Variants in MSANTD5 observed in about 807,000 individuals in gnomAD.
MSANTD5 encodes the protein Myb/SANT DNA binding domain containing 5.
the MSANTD5 span, among the ~76,000 whole-genome samples, chr5:178,704,154 CCA>C: frequency 1.3e-5 from 2 of 152,036 alleles, 1 homozygote; most frequent in Non-Finnish European, 2.9e-5. Context: ...ATTCACACAG[CCA>C]CAGTTTTGCA....
exon 4 of MSANTD5, chr5:178,694,705 T>G (rs900431630): frequency 2.6e-5 from 4 of 152,200 alleles, no homozygotes; most frequent in Non-Finnish European, 4.4e-5. Flanking sequence ...CTTCAAGACC[T>G]GGATCAGTCA....
chr5:178,701,118 C>T (rs879300540), upstream of MSANTD5, among the ~76,000 whole-genome samples: 46 of 152,208 alleles, frequency 3.0e-4, 1 homozygote, highest in Admixed American at 6.5e-4. Flanking sequence ...GGACTACAGG[C>T]GCCCGCCACC....
chr5:178,693,852 C>T (rs1290415754), downstream of MSANTD5, among the ~76,000 whole-genome samples: 1 of 151,986 alleles, frequency 6.6e-6, no homozygotes, highest in Non-Finnish European at 1.5e-5. Flanking sequence ...AGTCCCCACC[C>T]GACCCAGAAG....
At chr5:178,704,857 C>T in the MSANTD5 span, among the ~76,000 whole-genome samples, 4 of 152,064 alleles carry the variant, frequency 2.6e-5, no homozygotes, top group Admixed American at 6.5e-5. Flanking sequence ...TTAACCCAGC[C>T]GTGGAAGGAG....
At chr5:178,699,156 C>T (rs535063386), upstream of MSANTD5, among the ~76,000 whole-genome samples, 6 of 151,990 alleles carry the variant, frequency 3.9e-5, no homozygotes, top group Non-Finnish European at 5.9e-5. Flanking sequence ...TAATGAACAC[C>T]GTCTTCTTCC....
At chr5:178,700,056 C>T (rs1464341652), upstream of MSANTD5, among the ~76,000 whole-genome samples, 1 of 152,150 alleles carries the variant, frequency 6.6e-6, no homozygotes, top group Non-Finnish European at 1.5e-5. Context: ...CACTGTGTGG[C>T]CTCGGGGCCT....
At chr5:178,696,419 T>A (rs944706275) in intron 1 of MSANTD5, among the ~76,000 whole-genome samples, 3 of 152,072 alleles carry the variant, frequency 2.0e-5, no homozygotes, top group Non-Finnish European at 4.4e-5. Flanking sequence ...AGAGACGTTG[T>A]TTCACCTCGT....
chr5:178,701,074 C>T (rs905096239), upstream of MSANTD5, among the ~76,000 whole-genome samples: 12 of 152,056 alleles, frequency 7.9e-5, no homozygotes, highest in East Asian at 5.8e-4. Flanking sequence ...CCCAGGTTCA[C>T]GCCATTCTCC....
At chr5:178,694,650 T>G (rs1214307295) in exon 4 of MSANTD5, 1 of 152,254 alleles carries the variant, frequency 6.6e-6, no homozygotes, top group African/African-American at 2.4e-5. Flanking sequence ...CAGATTGTGC[T>G]GTTTTTCAGT....
upstream of MSANTD5, among the ~76,000 whole-genome samples, chr5:178,699,948 A>T (rs1765459289): frequency 1.3e-5 from 1 of 74,136 alleles, no homozygotes; most frequent in Non-Finnish European, 3.3e-5. Flanking sequence ...TCCAGCACAG[A>T]CATTCTTCAT....
upstream of MSANTD5, among the ~76,000 whole-genome samples, chr5:178,698,347 C>T (rs28723676): frequency 0.014 from 2,060 of 152,112 alleles, 42 homozygotes; most frequent in African/African-American, 0.047. Context: ...ACGGTGGGGA[C>T]GGAGAAGGAG....
chr5:178,697,226 G>A (rs976630677), intron 1 of MSANTD5, among the ~76,000 whole-genome samples: 15 of 151,988 alleles, frequency 9.9e-5, no homozygotes, highest in African/African-American at 3.4e-4. Flanking sequence ...AGGCCGAGGC[G>A]GGCGGATCAC....
chr5:178,701,132 C>A (rs1400398040), upstream of MSANTD5, among the ~76,000 whole-genome samples: 1 of 152,140 alleles, frequency 6.6e-6, no homozygotes, highest in Non-Finnish European at 1.5e-5. Flanking sequence ...CGCCACCACG[C>A]CCGGCTAATT....
exon 4 of MSANTD5, chr5:178,694,723 T>G (rs6422326): frequency 0.95 from 144,487 of 152,280 alleles, 68,670 homozygotes; most frequent in Middle Eastern, 0.97. Flanking sequence ...TCAGTAGAGA[T>G]GGCCCACTGT....
At chr5:178,697,221 G>A (rs552578411) in intron 1 of MSANTD5, among the ~76,000 whole-genome samples, 23 of 152,198 alleles carry the variant, frequency 1.5e-4, no homozygotes, top group South Asian at 8.3e-4. Context: ...TTGGGAGGCC[G>A]AGGCGGGCGG....
chr5:178,692,567 C>T (rs1765368135), downstream of MSANTD5, among the ~76,000 whole-genome samples: 1 of 151,966 alleles, frequency 6.6e-6, no homozygotes, highest in African/African-American at 2.4e-5. Context: ...GGTTCAACAG[C>T]TTCTTCTACA....
the MSANTD5 span, among the ~76,000 whole-genome samples, chr5:178,702,800 T>C: frequency 8.0e-3 from 1,222 of 152,206 alleles, 10 homozygotes; most frequent in African/African-American, 0.027. Flanking sequence ...GGTTTCACCA[T>C]GTTGGCCAGG....
chr5:178,701,663 A>C (rs2113857624), upstream of MSANTD5, among the ~76,000 whole-genome samples: 1 of 148,104 alleles, frequency 6.8e-6, no homozygotes, highest in Non-Finnish European at 1.5e-5. Flanking sequence ...CAAGAGTGAA[A>C]CTCCATCTCA....
At chr5:178,694,691 A>G (rs1765392007) in exon 4 of MSANTD5, 1 of 152,202 alleles carries the variant, frequency 6.6e-6, no homozygotes, top group African/African-American at 2.4e-5. Context: ...CAGATTCTAA[A>G]TGTCTTCAAG....
Sources: allele counts gnomAD v4.1 joint callset (sites outside exome capture counted in the v4.1 genomes callset), GRCh38; gene constraint gnomAD v4.1.1; transcripts MANE v1.5; gene names NCBI Gene and HGNC (gene_info 2026-07-23, HGNC 2026-07-21).